B4GALNT3: variants seen among roughly 807,000 people sequenced by gnomAD.
B4GALNT3 encodes beta-1,4-N-acetylgalactosaminyltransferase 3.
A neutral mutation model predicts 120.2 loss-of-function variants in B4GALNT3; 86 were observed. The ratio of observed to expected loss-of-function variants is 0.72; its 90% CI spans 0.60 to 0.86. The LOEUF is 0.86. B4GALNT3 is among the 40% of genes least tolerant of loss of function. The pLI, the probability that B4GALNT3 is intolerant of heterozygous loss-of-function variation, is 0.00. For missense variants in B4GALNT3, 1,167 were observed against 1,298.9 expected, an observed-to-expected ratio of 0.90 and a Z score of 1.56; for synonymous variants, 518 against 510.4, an observed-to-expected ratio of 1.01 and a Z score of -0.20.
intron 1 of B4GALNT3, among the ~76,000 whole-genome samples, chr12:526,733 A>G (rs1365519398): frequency 6.6e-6 from 1 of 152,166 alleles, no homozygotes; most frequent in African/African-American, 2.4e-5. Context: ...AGGTGACCCC[A>G]TGGCCTGGCT....
intron 1 of B4GALNT3, among the ~76,000 whole-genome samples, chr12:470,021 A>G (rs985747865): frequency 5.9e-5 from 9 of 152,148 alleles, no homozygotes; most frequent in African/African-American, 2.2e-4. Flanking sequence ...TTTCCTGTCT[A>G]CAGGAAATCA....
At chr12:545,655 G>C (rs1946985443) in intron 6 of B4GALNT3, among the ~76,000 whole-genome samples, 186 bp downstream of exon 6, 1 of 150,582 alleles carries the variant, frequency 6.6e-6, no homozygotes, top group Non-Finnish European at 1.5e-5. Context: ...GAGGAGTGAG[G>C]AGTGGGGAGG....
At chr12:514,797 G>A (rs1434409414) in intron 1 of B4GALNT3, among the ~76,000 whole-genome samples, 1 of 152,038 alleles carries the variant, frequency 6.6e-6, no homozygotes, top group Non-Finnish European at 1.5e-5. Context: ...GGAAGGCCAA[G>A]GCGGGCAGAT....
At chr12:554,782 T>G (rs1321727343) in intron 14 of B4GALNT3, among the ~76,000 whole-genome samples, 36 of 72,496 alleles carry the variant, frequency 5.0e-4, no homozygotes, top group Non-Finnish European at 7.2e-4. Flanking sequence ...AGAGCAAGAC[T>G]CCGTCTCAAA....
chr12:512,438 ATCTT>A (rs1946594078), intron 1 of B4GALNT3, among the ~76,000 whole-genome samples: 4 of 54,742 alleles, frequency 7.3e-5, no homozygotes, highest in Admixed American at 4.6e-4. Flanking sequence ...TCCGCCTTCC[ATCTT>A]CCTTCCACCT....
At position 465,858 on chromosome 12, in the gene B4GALNT3, T is replaced by C. The variant is rs1370715855; in HGVS notation, c.169+5313T>C. Among the ~76,000 whole-genome samples, 3 of 146,822 alleles carry C rather than the reference T, an allele frequency of 2.0e-5. No individual in the cohort carries two copies. In the East Asian group the frequency reaches 6.1e-4, roughly 30 times the overall value. ...GGAGTTGAGGTCCCATTCCCCTGCTTGATGGTGCTGGGGCTGCCTGCCACT... is the reference window on the plus strand; with the variant it reads ...GGAGTTGAGGTCCCATTCCCCTGCTCGATGGTGCTGGGGCTGCCTGCCACT... On this transcript the variant is annotated intron_variant, in intron 1 of 19. Transcript: ENST00000266383.
chr12:481,527 C>A (rs942769975), intron 1 of B4GALNT3, among the ~76,000 whole-genome samples: 1 of 152,232 alleles, frequency 6.6e-6, no homozygotes. Context: ...TGGGACTTTG[C>A]TCTGTGCTGC....
intron 1 of B4GALNT3, among the ~76,000 whole-genome samples, chr12:518,581 G>A (rs2120612949): frequency 6.6e-6 from 1 of 152,048 alleles, no homozygotes; most frequent in Middle Eastern, 3.4e-3. Flanking sequence ...TGTTGTTGTT[G>A]TAAAGATGGG....
intron 1 of B4GALNT3, among the ~76,000 whole-genome samples, chr12:506,740 C>T (rs1191797560): frequency 2.0e-5 from 3 of 152,104 alleles, no homozygotes; most frequent in Non-Finnish European, 2.9e-5. Flanking sequence ...GGGTTCACGC[C>T]ATTCTCCTGC....
At chr12:516,316 A>G (rs1413484720) in intron 1 of B4GALNT3, among the ~76,000 whole-genome samples, 1 of 152,190 alleles carries the variant, frequency 6.6e-6, no homozygotes, top group Non-Finnish European at 1.5e-5. Context: ...GTAGCGTGTT[A>G]TTATAGATAG....
chr12:559,371 C>A lies in B4GALNT3; in HGVS notation c.2838C>A (p.Thr946=). Residue 946 remains threonine (T), a synonymous_variant, in exon 19 of 20, where the codon ACC becomes ACA. Transcript: ENST00000266383. ...SDLDRIGGMN[T]KEFRDRWGGE... ...TGGACAGGATTGGGGGCATGAACAC[C>A]AAGGAGTTCCGAGACCGCTGGGGCG... 1 of 1,614,016 alleles carries A rather than the reference C, an allele frequency of 6.2e-7. No individual in the cohort carries two copies. Among genetic ancestry groups the A allele is most frequent in the Non-Finnish European group, 8.5e-7 (1 of 1,179,962 alleles).
chr12:505,978 G>A (rs1946493454), intron 1 of B4GALNT3, among the ~76,000 whole-genome samples: 1 of 152,164 alleles, frequency 6.6e-6, no homozygotes, highest in Non-Finnish European at 1.5e-5. Context: ...AGCCAGGTAA[G>A]CATCAGCTGA....
At chr12:512,634 G>A (rs867845773) in intron 1 of B4GALNT3, among the ~76,000 whole-genome samples, 543 of 40,390 alleles carry the variant, frequency 0.013, 12 homozygotes, top group African/African-American at 0.052. Context: ...TCCACCTTCC[G>A]CCTTCCACCT....
Position 548,212 on chromosome 12 carries a change from C to G in B4GALNT3, c.787-19C>G. The G allele has an allele frequency of 1.2e-6, 2 of 1,612,790 alleles. No homozygotes were observed. Among genetic ancestry groups the G allele is most frequent in the Non-Finnish European group, 1.7e-6 (2 of 1,178,748 alleles). ...GCTACCTCCCACCTTCTGCATCTAC[C>G]CTCTCTCTCCTCTTCCAGTGGCGAC... On this transcript the variant is annotated intron_variant, in intron 8 of 19. Coordinates refer to ENST00000266383, the MANE Select transcript of B4GALNT3 (RefSeq NM_173593.4). The surrounding 1 kb of genome is among the most constrained non-coding windows in gnomAD (Gnocchi z 4.9).
chr12:556,397 A>G (rs1794068215), intron 14 of B4GALNT3, 150 bp from the exon 15 acceptor site: 1 of 697,240 alleles, frequency 1.4e-6, no homozygotes, highest in African/African-American at 1.8e-5. Flanking sequence ...GAGATTGCGA[A>G]TCTTGCCTGA....
intron 1 of B4GALNT3, among the ~76,000 whole-genome samples, chr12:490,302 C>G (rs1946328580): frequency 6.6e-6 from 1 of 151,720 alleles, no homozygotes. Flanking sequence ...TTAATAAGAC[C>G]AAAAGCTGTT....
At chr12:526,530 G>A (rs181299883) in intron 1 of B4GALNT3, among the ~76,000 whole-genome samples, 59 of 152,300 alleles carry the variant, frequency 3.9e-4, no homozygotes, top group Admixed American at 1.8e-3. Context: ...TAGAGGTCCC[G>A]GAGCCTATTA....
intron 1 of B4GALNT3, among the ~76,000 whole-genome samples, chr12:532,798 C>T (rs1485624176): frequency 6.6e-6 from 1 of 152,190 alleles, no homozygotes; most frequent in East Asian, 1.9e-4. Context: ...GTCCTTGTCA[C>T]TTCCCAGCAG....
rs760374578 is a variant in B4GALNT3 at position 558,513 on chromosome 12, G to A, written c.2613G>A (p.Pro871=). ...LQAGIDLVKD[P]HSIIFLCDLH... is the part of the protein sequence containing the mutation. ...CTGCCCACATCTGTCCCCAGGACCC[G>A]CACAGCATCATCTTCCTCTGTGACC... Residue 871 remains proline (P), a synonymous_variant, in exon 18 of 20, where the codon CCG becomes CCA. Transcript: ENST00000266383. The A allele has an allele frequency of 1.6e-5, 26 of 1,613,818 alleles. No individual in the cohort carries two copies. Among genetic ancestry groups the A allele is most frequent in the Middle Eastern group, 1.6e-4 (1 of 6,076 alleles).
Sources: allele counts gnomAD v4.1 joint callset (sites outside exome capture counted in the v4.1 genomes callset), GRCh38; gene constraint gnomAD v4.1.1; non-coding constraint Gnocchi (gnomAD v3.1); transcripts MANE v1.5; gene names NCBI Gene and HGNC (gene_info 2026-07-23, HGNC 2026-07-21).